The following EHD4 variants were observed in gnomAD, a reference collection of about 807,000 sequenced individuals.
EHD4 encodes the protein EH domain containing 4.
EHD4 carries 37 observed loss-of-function variants against 51.0 expected under a neutral mutation model. The ratio of observed to expected loss-of-function variants is 0.73; its 90% CI spans 0.56 to 0.95. The LOEUF (loss-of-function observed/expected upper bound fraction) is 0.95. EHD4 is among the 40% of genes least tolerant of loss of function. The pLI is 0.00. For missense variants in EHD4, 632 were observed against 733.1 expected (o/e 0.86, Z 1.59); for synonymous variants, 297 against 317.3 (o/e 0.94, Z 0.68).
intron 2 of EHD4, among the ~76,000 whole-genome samples, chr15:41,951,353 T>C (rs1304545632): frequency 6.6e-6 from 1 of 152,220 alleles, no homozygotes; most frequent in Non-Finnish European, 1.5e-5. Context: ...TTATAAGGCA[T>C]GGATTATTTT....
chr15:41,915,108 ACAC>A (rs2067575258), intron 4 of EHD4, among the ~76,000 whole-genome samples: 1 of 150,454 alleles, frequency 6.6e-6, no homozygotes, highest in Admixed American at 6.7e-5. Context: ...ACACACACAC[ACAC>A]ATCATTGGAC....
intron 2 of EHD4, among the ~76,000 whole-genome samples, chr15:41,946,511 T>G (rs2067815778): frequency 6.6e-6 from 1 of 152,192 alleles, no homozygotes; most frequent in African/African-American, 2.4e-5. Flanking sequence ...GGACGATCTC[T>G]TGAACCCAGG....
chr15:41,970,630 AG>A (rs1243502453), intron 1 of EHD4, among the ~76,000 whole-genome samples: 1 of 152,242 alleles, frequency 6.6e-6, no homozygotes, highest in East Asian at 1.9e-4. Flanking sequence ...GAGCAGAGAG[AG>A]GGCTGCATTA....
chr15:41,972,512 C>T lies in EHD4; in HGVS notation c.-18G>A. ...CTGAACATCCTGCCGCCAGTCCACG[C>T]TCGGATGGGACCCTGCTCCGGGTTC... On this transcript the variant is annotated 5_prime_UTR_variant, in exon 1 of 6. Transcript: ENST00000220325. 8 of 1,492,030 alleles carry T rather than the reference C, an allele frequency of 5.4e-6. 1 individual carries two copies. In the South Asian group the frequency reaches 7.9e-5, roughly 15 times the overall value. The allele number at this position is 1,492,030 out of a possible 1,614,324, so 92.4% of individuals were successfully genotyped here. A position where few individuals can be genotyped will look rare whatever the true frequency, so the allele number is the denominator to read the frequency against.
chr15:41,912,965 T>C (rs375565872), intron 4 of EHD4, among the ~76,000 whole-genome samples: 19 of 152,262 alleles, frequency 1.2e-4, no homozygotes, highest in African/African-American at 4.6e-4. Context: ...TTGTTCAAAA[T>C]CTGGAATTCA....
chr15:41,929,711 G>C (rs1199731060), intron 3 of EHD4, among the ~76,000 whole-genome samples: 1 of 152,214 alleles, frequency 6.6e-6, no homozygotes, highest in Non-Finnish European at 1.5e-5. Flanking sequence ...CTGGGCCTCA[G>C]TTTCTATACC....
At chr15:41,932,685 T>C (rs1468292529) in intron 3 of EHD4, among the ~76,000 whole-genome samples, 1 of 152,136 alleles carries the variant, frequency 6.6e-6, no homozygotes, top group Non-Finnish European at 1.5e-5. Context: ...CCGGGAACAC[T>C]GCTCCCGGGT....
chr15:41,903,381 T>G (rs2067491268), intron 5 of EHD4, among the ~76,000 whole-genome samples: 1 of 146,760 alleles, frequency 6.8e-6, no homozygotes. Context: ...TTTAAAATAA[T>G]TTATAATCTC....
chr15:41,972,522 A>C lies in EHD4; in HGVS notation c.-28T>G. On this transcript the variant is annotated 5_prime_UTR_variant, in exon 1 of 6. Coordinates refer to ENST00000220325, the MANE Select transcript of EHD4 (RefSeq NM_139265.4). Reference sequence around the variant, plus strand: ...TGCCGCCAGTCCACGCTCGGATGGGACCCTGCTCCGGGTTCGACTCTCCCC... The same window carrying C: ...TGCCGCCAGTCCACGCTCGGATGGGCCCCTGCTCCGGGTTCGACTCTCCCC... 1 of 1,467,526 alleles carries C rather than the reference A, an allele frequency of 6.8e-7. No individual in the cohort carries two copies. Among genetic ancestry groups the C allele is most frequent in the Non-Finnish European group, 9.0e-7 (1 of 1,113,774 alleles). The allele number at this position is 1,467,526 out of a possible 1,614,324, so 90.9% of individuals were successfully genotyped here.
chr15:41,902,744 T>C (rs557966457), intron 5 of EHD4, among the ~76,000 whole-genome samples: 18 of 150,906 alleles, frequency 1.2e-4, no homozygotes, highest in East Asian at 7.8e-4. Flanking sequence ...TATATATATA[T>C]ACATATGTAT....
chr15:41,924,078 AG>A (rs1417949727), intron 3 of EHD4, among the ~76,000 whole-genome samples: 2 of 152,204 alleles, frequency 1.3e-5, no homozygotes, highest in Non-Finnish European at 2.9e-5. Flanking sequence ...TTTATCCATA[AG>A]GCATTGAGAC....
intron 3 of EHD4, among the ~76,000 whole-genome samples, chr15:41,927,688 G>A (rs1461375337): frequency 6.6e-6 from 1 of 152,284 alleles, no homozygotes; most frequent in Non-Finnish European, 1.5e-5. Flanking sequence ...GAGGCTGTGG[G>A]GAGAAGGAAA....
At chr15:41,936,535 G>A (rs892857238) in intron 3 of EHD4, among the ~76,000 whole-genome samples, 7 of 152,154 alleles carry the variant, frequency 4.6e-5, no homozygotes, top group Non-Finnish European at 8.8e-5. Flanking sequence ...GAGATATCCC[G>A]TGAAATGTTT....
At chr15:41,969,231 G>A (rs1475611096) in intron 1 of EHD4, among the ~76,000 whole-genome samples, 1 of 152,180 alleles carries the variant, frequency 6.6e-6, no homozygotes, top group African/African-American at 2.4e-5. Context: ...CATATGAAGG[G>A]AGAAAGTGGA....
Position 41,909,849 on chromosome 15 carries a change from G to T in EHD4, c.939C>A (p.Ile313=), listed in dbSNP as rs749677247. 6.2e-6 allele frequency: 10 copies of T among 1,614,240 alleles called. No homozygotes were observed. The highest frequency in any genetic ancestry group is 3.3e-5 in the Admixed American group (2 of 60,032). Residue 313 remains isoleucine, a synonymous_variant, in exon 5 of 6, where the codon ATC becomes ATA. Transcript: ENST00000220325. ...RARLAKVHAY[I]ISYLKKEMPS... ...GCATCTCCTTCTTCAGGTAGCTGAT[G>T]ATGTAGGCATGCACCTGGAGGGGTA...
chr15:41,959,917 C>A (rs2067913858), intron 1 of EHD4, among the ~76,000 whole-genome samples: 1 of 150,242 alleles, frequency 6.7e-6, no homozygotes, highest in Non-Finnish European at 1.5e-5. Flanking sequence ...TTGCAGTGAG[C>A]CAAAATTGCA....
intron 5 of EHD4, among the ~76,000 whole-genome samples, chr15:41,903,663 G>C (rs1219209742): frequency 2.0e-5 from 3 of 152,250 alleles, no homozygotes; most frequent in Non-Finnish European, 4.4e-5. Context: ...TTCCAATAGA[G>C]AATCAAAATC....
chr15:41,900,349 C>T lies in EHD4; in HGVS notation c.*296G>A. The T allele has an allele frequency of 2.5e-6, 1 of 405,192 alleles. No individual in the cohort carries two copies. The highest frequency in any genetic ancestry group is 4.4e-6 in the Non-Finnish European group (1 of 225,024). The allele number at this position is 405,192 out of a possible 1,614,324, so 25.1% of individuals were successfully genotyped here. ...GGTTCCTGGGACTTACCAGGCCCAC[C>T]CCCATGCGCATTTCTCCAGGCAGGT... On this transcript the variant is annotated 3_prime_UTR_variant, in exon 6 of 6. Transcript: ENST00000220325. This position sits in a 1 kb window ranked among gnomAD's most constrained non-coding sequence, Gnocchi z 4.8.
chr15:41,911,892 G>C (rs1260909927), intron 4 of EHD4, among the ~76,000 whole-genome samples: 2 of 152,110 alleles, frequency 1.3e-5, no homozygotes, highest in Non-Finnish European at 2.9e-5. Context: ...CTCAGGGAGG[G>C]CTTAGTTCCC....
Sources: gnomAD v4.1 joint callset for allele counts (sites outside exome capture counted in the v4.1 genomes callset) on GRCh38, gnomAD v4.1.1 for gene constraint, Gnocchi (gnomAD v3.1) non-coding constraint, MANE v1.5 for transcripts, NCBI Gene and HGNC (gene_info 2026-07-23, HGNC 2026-07-21) for gene names.